KDM4C: variants seen among roughly 807,000 people sequenced by gnomAD.
The protein encoded by KDM4C is lysine-specific demethylase 4C.
Under a neutral mutation model 129.3 loss-of-function variants are expected in KDM4C, and 81 were observed. The ratio of observed to expected loss-of-function variants is 0.63; its 90% CI spans 0.52 to 0.75. The LOEUF (loss-of-function observed/expected upper bound fraction) is 0.75, where lower values mean the gene tolerates loss of function less well. KDM4C is among the 30% of genes least tolerant of loss of function. KDM4C has a pLI of 0.00. For synonymous variants in KDM4C, 573 were observed against 456.1 expected (o/e 1.26, Z -3.26); for missense variants, 1,457 against 1,304.0 (o/e 1.12, Z -1.81).
intron 19 of KDM4C, among the ~76,000 whole-genome samples, chr9:7,137,559 C>T (rs549853183): frequency 4.6e-5 from 7 of 152,182 alleles, no homozygotes; most frequent in East Asian, 1.9e-4. Flanking sequence ...AATCTAGATA[C>T]CATGACTAAG....
At chr9:7,027,166 C>CATTT (rs1163540296) in intron 15 of KDM4C, among the ~76,000 whole-genome samples, 1 of 152,090 alleles carries the variant, frequency 6.6e-6, no homozygotes, top group African/African-American at 2.4e-5. Flanking sequence ...TCTGTCTAGG[C>CATTT]ATTAAAGAGT....
intron 1 of KDM4C, among the ~76,000 whole-genome samples, chr9:6,791,272 C>T (rs944011494): frequency 7.9e-5 from 12 of 152,116 alleles, no homozygotes; most frequent in Admixed American, 2.0e-4. Flanking sequence ...CCACCACGCC[C>T]GGCTAATTTT....
At chr9:6,875,005 G>A (rs1387531722) in intron 5 of KDM4C, among the ~76,000 whole-genome samples, 1 of 151,870 alleles carries the variant, frequency 6.6e-6, no homozygotes, top group African/African-American at 2.4e-5. Context: ...TGAAGTAGAC[G>A]TTTGATTGAG....
At chr9:7,079,583 A>G (rs1587503555) in intron 17 of KDM4C, among the ~76,000 whole-genome samples, 1 of 152,290 alleles carries the variant, frequency 6.6e-6, no homozygotes, top group East Asian at 1.9e-4. Flanking sequence ...AAGCCTCCCA[A>G]AGTGCTGGGA....
chr9:6,772,024 T>A (rs1172205181), intron 1 of KDM4C, among the ~76,000 whole-genome samples: 1 of 152,208 alleles, frequency 6.6e-6, no homozygotes. Context: ...GAAATGCAAA[T>A]TTTGGAAACT....
Position 6,793,063 on chromosome 9 carries a change from G to A in KDM4C, c.75G>A (p.Glu25=). Residue 25 remains glutamate, a synonymous_variant, in exon 2 of 22, where the codon GAG becomes GAA. Transcript: ENST00000381309. Reference sequence around the variant, plus strand: ...TGACCTTCAGACCCTCCATGGAGGAGTTCCGGGAGTTCAACAAATACCTTG... The same window carrying A: ...TGACCTTCAGACCCTCCATGGAGGAATTCCGGGAGTTCAACAAATACCTTG... ...KIMTFRPSME[E]FREFNKYLAY... 1 of 1,614,150 alleles carries A rather than the reference G, an allele frequency of 6.2e-7. No homozygotes were observed. Among genetic ancestry groups the A allele is most frequent in the Non-Finnish European group, 8.5e-7 (1 of 1,180,022 alleles).
intron 8 of KDM4C, among the ~76,000 whole-genome samples, chr9:6,944,610 C>A (rs921224696): frequency 2.0e-5 from 3 of 147,958 alleles, no homozygotes; most frequent in African/African-American, 7.5e-5. Context: ...CTGTAAATGT[C>A]CTCTAAAATC....
chr9:6,851,192 CGGTGCT>C (rs1391244315), intron 5 of KDM4C, among the ~76,000 whole-genome samples: 1 of 152,032 alleles, frequency 6.6e-6, no homozygotes, highest in Non-Finnish European at 1.5e-5. Context: ...TTGTCCAGGC[CGGTGCT>C]GACCTCCTGG....
chr9:6,775,965 G>T (rs572735308), intron 1 of KDM4C, among the ~76,000 whole-genome samples: 10 of 152,326 alleles, frequency 6.6e-5, no homozygotes, highest in African/African-American at 2.4e-4. Flanking sequence ...TCCAGGCATT[G>T]CCAATGTCTC....
At chr9:7,044,494 C>T (rs747382848) in intron 15 of KDM4C, among the ~76,000 whole-genome samples, 7 of 151,820 alleles carry the variant, frequency 4.6e-5, no homozygotes, top group Non-Finnish European at 8.8e-5. Context: ...AAAGTGATGG[C>T]AGTGATGATG....
chr9:7,128,124 G>A lies in KDM4C; in HGVS notation c.2669G>A (p.Arg890Gln), dbSNP rs916076190. 1.2e-6 allele frequency: 2 copies of A among 1,611,900 alleles called. No homozygotes were observed. Among genetic ancestry groups the A allele is most frequent in the African/African-American group, 1.3e-5 (1 of 74,782 alleles). ...GGTCAAACGGTCATCACGAAGCATC[G>A]GAACACCCGGTATTACAGTTGCAGA... ...SVGQTVITKH[R>Q]NTRYYSCRVM... Residue 890 changes from arginine to glutamine, a missense_variant, in exon 19 of 22, where the codon CGG (arginine) becomes CAG (glutamine). Transcript: ENST00000381309.
At chr9:7,024,666 T>A (rs7466171) in intron 15 of KDM4C, among the ~76,000 whole-genome samples, 7,776 of 152,254 alleles carry the variant, frequency 0.051, 239 homozygotes, top group South Asian at 0.1. Flanking sequence ...CATGAACTCA[T>A]CATTTTTTAT....
chr9:7,014,952 A>ACACACACACC (rs1554697196), intron 14 of KDM4C, among the ~76,000 whole-genome samples: 5 of 145,724 alleles, frequency 3.4e-5, no homozygotes, highest in African/African-American at 1.3e-4. Flanking sequence ...ACACACACAC[A>ACACACACACC]CCTTACATTA....
chr9:6,946,359 C>T (rs190413535), intron 8 of KDM4C, among the ~76,000 whole-genome samples: 109 of 152,048 alleles, frequency 7.2e-4, no homozygotes, highest in African/African-American at 2.4e-3. Flanking sequence ...CTTTTTGTTC[C>T]TACCTATTAT....
In KDM4C at chr9:6,816,076, G is replaced by A. The variant is rs34302431; in HGVS notation, c.435+1331G>A. On this transcript the variant is annotated intron_variant, in intron 4 of 21. Transcript: ENST00000381309. ...AACTGTCCCCCCGCCCTCCTTTAAG[G>A]ATTCAGTCAAGGATTCCCCTTTGTA... 9.5e-3 allele frequency among the ~76,000 whole-genome samples: 1,446 copies of A among 152,096 alleles called. 11 individuals carry two copies. The highest frequency in any genetic ancestry group is 0.016 in the Non-Finnish European group (1,080 of 68,002).
intron 11 of KDM4C, among the ~76,000 whole-genome samples, chr9:6,989,355 C>T (rs1818323701): frequency 6.6e-6 from 1 of 152,038 alleles, no homozygotes; most frequent in Non-Finnish European, 1.5e-5. Context: ...TTGCTGGGTT[C>T]AAACTCTCTC....
chr9:7,013,812 G>A lies in KDM4C; in HGVS notation c.1993G>A (p.Asp665Asn), dbSNP rs778729404. The change falls in exon 14 of 22, where the codon GAT becomes AAT. Residue 665 changes from aspartate (D) to asparagine (N), a missense_variant. Coordinates refer to ENST00000381309, the MANE Select transcript of KDM4C (RefSeq NM_015061.6). ...HKPDSSNEEN[D>N]ARWETKLDEV... is the part of the protein sequence containing the mutation. ...GCCAGATAGCAGCAATGAAGAAAAT[G>A]ATGCTAGATGGGAGACAAAATTAGA... The A allele has an allele frequency of 6.2e-6, 10 of 1,613,790 alleles. No homozygotes were observed. Among genetic ancestry groups the A allele is most frequent in the Admixed American group, 5.0e-5 (3 of 60,004 alleles).
chr9:7,127,009 G>T (rs1840088222), intron 18 of KDM4C, among the ~76,000 whole-genome samples: 1 of 152,144 alleles, frequency 6.6e-6, no homozygotes, highest in African/African-American at 2.4e-5. Context: ...AGCCCATAAT[G>T]ACAATGGGTG....
intron 1 of KDM4C, chr9:6,749,055 T>C (rs960645994): frequency 4.9e-5 from 27 of 556,352 alleles, no homozygotes; most frequent in African/African-American, 7.7e-5. Flanking sequence ...GTTTTGCTCT[T>C]GTTGCCCAGG....
Sources: gnomAD v4.1 joint callset for allele counts (sites outside exome capture counted in the v4.1 genomes callset) on GRCh38, gnomAD v4.1.1 for gene constraint, MANE v1.5 for transcripts, NCBI Gene and HGNC (gene_info 2026-07-23, HGNC 2026-07-21) for gene names.